KIF17: variants seen among roughly 807,000 people sequenced by gnomAD.
The protein encoded by KIF17 is kinesin family member 17.
KIF17 carries 80 observed loss-of-function variants against 96.8 expected under a neutral mutation model. That is an observed-to-expected ratio of 0.83 (90% confidence interval 0.69 to 1.00). The LOEUF is 1.00. KIF17 is among the 50% of genes least tolerant of loss of function. The pLI is 0.00. For missense variants in KIF17, 1,280 were observed against 1,372.9 expected, an observed-to-expected ratio of 0.93 and a Z score of 1.07; for synonymous variants, 567 against 587.5, an observed-to-expected ratio of 0.97 and a Z score of 0.51.
At chr1:20,715,412 C>A in intron 2 of KIF17, 81 bp downstream of exon 2, 4 of 1,577,156 alleles carry the variant, frequency 2.5e-6, no homozygotes, top group Non-Finnish European at 3.4e-6. Context: ...CAAAGACTTC[C>A]CGTGTCTCTG....
chr1:20,694,584 G>A (rs1414452736), intron 6 of KIF17, among the ~76,000 whole-genome samples: 1 of 152,176 alleles, frequency 6.6e-6, no homozygotes, highest in Non-Finnish European at 1.5e-5. Context: ...GCGTGGGCAA[G>A]CACCATGTCA....
chr1:20,684,828 G>A lies in KIF17; in HGVS notation c.2212C>T (p.Gln738Ter). 6.3e-7 allele frequency: 1 copy of A among 1,585,892 alleles called. No homozygotes were observed. Among genetic ancestry groups the A allele is most frequent in the Non-Finnish European group, 8.6e-7 (1 of 1,166,374 alleles). The change falls in exon 10 of 15, where the codon CAG becomes TAG. Residue 738 changes from glutamine to a stop codon, truncating the protein, a stop_gained. Transcript: ENST00000400463. LOFTEE classifies it high-confidence loss of function. ...GCTTACCGGGCCAGCACCTGCTGCT[G>A]GTCCACAACGGGCAGCGGGTCATCA... ...LTDDPLPVVD[Q>*]QQVLARLQLL...
chr1:20,687,337 C>A lies in KIF17; in HGVS notation c.1938+51G>T. The A allele has an allele frequency of 6.2e-7, 1 of 1,600,980 alleles. No individual in the cohort carries two copies. The highest frequency in any genetic ancestry group is 8.5e-7 in the Non-Finnish European group (1 of 1,170,178). On this transcript the variant is annotated intron_variant, in intron 8 of 14. Transcript: ENST00000400463. The surrounding 1 kb of genome is among the most constrained non-coding windows in gnomAD (Gnocchi z 4.4). ...TGCACAGTGAGCTCCGGGCCCTGGG[C>A]AAGCTCTGCCTGCTCAGTGTTCACA...
chr1:20,710,737 G>A (rs1180650360), intron 3 of KIF17, among the ~76,000 whole-genome samples: 2 of 152,136 alleles, frequency 1.3e-5, no homozygotes, highest in Non-Finnish European at 2.9e-5. Context: ...GGTGGGGGTC[G>A]GGGCGAGGCA....
intron 4 of KIF17, among the ~76,000 whole-genome samples, chr1:20,707,613 A>G (rs978470449): frequency 1.3e-5 from 2 of 151,722 alleles, no homozygotes; most frequent in African/African-American, 2.4e-5. Context: ...GCTACAAAAC[A>G]TAAAAATTAG....
At chr1:20,676,532 A>G (rs1213627017) in intron 11 of KIF17, among the ~76,000 whole-genome samples, 1 of 152,240 alleles carries the variant, frequency 6.6e-6, no homozygotes, top group Non-Finnish European at 1.5e-5. Flanking sequence ...AATAAGAAAA[A>G]TGCAAATTAA....
chr1:20,713,691 C>T, intron 2 of KIF17, 136 bp from the exon 3 acceptor site: 1 of 714,148 alleles, frequency 1.4e-6, no homozygotes, highest in Non-Finnish European at 2.5e-6. Flanking sequence ...AGAGGAGTCT[C>T]CAACCCAACC....
Position 20,699,671 on chromosome 1 carries a change from CGCTTGCTAGACAGGGGGA to C in KIF17, c.1124-1201_1124-1184del, listed in dbSNP as rs1264686753. On this transcript the variant is annotated intron_variant, in intron 5 of 14. Transcript: ENST00000400463. This position sits in a 1 kb window ranked among gnomAD's most constrained non-coding sequence, Gnocchi z 4.3. The stretch of plus-strand genomic sequence containing the variant: ...CAGGAGGAGCTTGCTAGACAGGAGG[CGCTTGCTAGACAGGGGGA>C]GCTTGCTAGACAGGGGGAGCGGTGA... Among the ~76,000 whole-genome samples, 21 of 147,138 alleles carry C rather than the reference CGCTTGCTAGACAGGGGGA, an allele frequency of 1.4e-4. No individual in the cohort carries two copies. Among genetic ancestry groups the C allele is most frequent in the South Asian group, 4.2e-4 (2 of 4,816 alleles).
chr1:20,715,604 G>A lies in KIF17; in HGVS notation c.267C>T (p.Ala89=), dbSNP rs1177886171. The A allele has an allele frequency of 6.2e-7, 1 of 1,613,304 alleles. No individual in the cohort carries two copies. The highest frequency in any genetic ancestry group is 1.3e-5 in the African/African-American group (1 of 74,946). The stretch of plus-strand genomic sequence containing the variant: ...ACTTCCCGCTGCCTGTCTGGCCGTA[G>A]GCAAAGATGGTGCCATTGTAGCCCT... The part of the protein sequence containing the change: ...VTEGYNGTIF[A]YGQTGSGKSF... Residue 89 remains alanine, a synonymous_variant, in exon 2 of 15, where the codon GCC becomes GCT. Transcript: ENST00000400463.
At chr1:20,698,282 C>T (rs759290005) in intron 6 of KIF17, 97 bp downstream of exon 6, 8 of 811,612 alleles carry the variant, frequency 9.9e-6, no homozygotes, top group East Asian at 2.5e-5. Flanking sequence ...GGTGAAGGTA[C>T]GGTGATATCG....
intron 11 of KIF17, among the ~76,000 whole-genome samples, chr1:20,682,116 ACAC>A (rs921422688): frequency 1.9e-4 from 29 of 152,112 alleles, no homozygotes; most frequent in South Asian, 6.2e-4. Context: ...CCACACACAC[ACAC>A]AACACATACC....
intron 7 of KIF17, among the ~76,000 whole-genome samples, chr1:20,689,792 AAC>A (rs34422733): frequency 0.36 from 54,254 of 152,012 alleles, 11,861 homozygotes; most frequent in Middle Eastern, 0.49. Flanking sequence ...GAGACCGGAA[AAC>A]ACAGCAATTC....
At chr1:20,706,368 A>C (rs1570475666) in intron 4 of KIF17, among the ~76,000 whole-genome samples, 4 of 150,582 alleles carry the variant, frequency 2.7e-5, no homozygotes, top group Admixed American at 2.6e-4. Flanking sequence ...AGGCAGGCGG[A>C]TCACCTGAGG....
intron 5 of KIF17, among the ~76,000 whole-genome samples, chr1:20,702,328 G>A (rs2054252449): frequency 6.7e-6 from 1 of 150,242 alleles, no homozygotes; most frequent in Admixed American, 6.6e-5. Flanking sequence ...AGGGAGAAGG[G>A]ATGCTAACAG....
intron 6 of KIF17, among the ~76,000 whole-genome samples, chr1:20,697,987 CCA>C (rs558724240): frequency 7.4e-4 from 113 of 152,336 alleles, no homozygotes; most frequent in Middle Eastern, 6.8e-3. Flanking sequence ...AGACTCCTCC[CCA>C]CCCTGACTGC....
intron 12 of KIF17, among the ~76,000 whole-genome samples, chr1:20,671,536 T>G (rs2154535095): frequency 6.6e-6 from 1 of 152,132 alleles, no homozygotes; most frequent in African/African-American, 2.4e-5. Context: ...GGTTTCACCA[T>G]GTTGGCCAGG....
In KIF17 at chr1:20,687,575, T is replaced by C; in HGVS notation, c.1751A>G (p.Glu584Gly). The C allele has an allele frequency of 4.3e-6, 7 of 1,613,970 alleles. No homozygotes were observed. The highest frequency in any genetic ancestry group is 5.9e-6 in the Non-Finnish European group (7 of 1,179,940). Residue 584 changes from glutamate (E) to glycine (G), a missense_variant, in exon 8 of 15, where the codon GAG becomes GGG. Glu to Gly is a moderately conservative substitution (Grantham distance 98). Transcript: ENST00000400463. The surrounding 1 kb of genome is among the most constrained non-coding windows in gnomAD (Gnocchi z 4.4). Reference sequence around the variant, plus strand: ...TTCCCCCAGCAGGTGCCCAGCGGCCTCCTGCCCGAGGCACTCATCCAGGAA... The same window carrying C: ...TTCCCCCAGCAGGTGCCCAGCGGCCCCCTGCCCGAGGCACTCATCCAGGAA... ...RYFLDECLGQ[E>G]AAGHLLGEQN... is the part of the protein sequence containing the mutation.
intron 11 of KIF17, among the ~76,000 whole-genome samples, chr1:20,677,233 G>A (rs898055348): frequency 1.3e-5 from 2 of 152,154 alleles, no homozygotes; most frequent in African/African-American, 4.8e-5. Flanking sequence ...GAAAATCCAG[G>A]TTTTTGTAAA....
chr1:20,704,692 G>C lies in KIF17; in HGVS notation c.878C>G (p.Thr293Arg). The C allele has an allele frequency of 6.2e-7, 1 of 1,614,104 alleles. No homozygotes were observed. ...KHVPYRDSKL[T>R]RLLQDSLGGN... ...GCCCAGTGAGTCCTGCAGCAGCCGC[G>C]TCAGCTTCGAGTCACGGTAGGGGAC... Residue 293 changes from threonine to arginine, a missense_variant, in exon 5 of 15, where the codon ACG becomes AGG. Thr to Arg is a moderately conservative substitution (Grantham distance 71). Coordinates refer to ENST00000400463, the MANE Select transcript of KIF17 (RefSeq NM_001122819.3). This position sits in a 1 kb window ranked among gnomAD's most constrained non-coding sequence, Gnocchi z 6.8.
Sources: allele counts gnomAD v4.1 joint callset (sites outside exome capture counted in the v4.1 genomes callset), GRCh38; gene constraint gnomAD v4.1.1; non-coding constraint Gnocchi (gnomAD v3.1); transcripts MANE v1.5; gene names NCBI Gene and HGNC (gene_info 2026-07-23, HGNC 2026-07-21).